The following STXBP5L variants were observed in gnomAD, a reference collection of about 807,000 sequenced individuals.
The protein encoded by STXBP5L is syntaxin binding protein 5L.
In STXBP5L, 65 loss-of-function variants were observed where a neutral mutation model predicts 144.5. That is an observed-to-expected ratio of 0.45 (90% confidence interval 0.37 to 0.55). The LOEUF is 0.55. STXBP5L is among the 20% of genes least tolerant of loss of function. STXBP5L has a pLI of 0.00. For missense variants in STXBP5L, 1,298 were observed against 1,405.5 expected (o/e 0.92, Z 1.22); for synonymous variants, 505 against 469.6 (o/e 1.08, Z -0.97).
intron 2 of STXBP5L, among the ~76,000 whole-genome samples, chr3:120,939,518 A>G (rs1366738918): frequency 1.3e-5 from 2 of 152,142 alleles, no homozygotes; most frequent in Non-Finnish European, 2.9e-5. Flanking sequence ...GAGGTAACCC[A>G]CAGATACCTA....
intron 7 of STXBP5L, among the ~76,000 whole-genome samples, chr3:121,150,035 CT>C (rs1214085449): frequency 1.3e-5 from 2 of 152,014 alleles, no homozygotes; most frequent in African/African-American, 4.8e-5. Flanking sequence ...ATTATGATTT[CT>C]TCTTTGCTTA....
At chr3:121,344,312 G>A (rs147072624) in intron 20 of STXBP5L, among the ~76,000 whole-genome samples, 2,946 of 152,144 alleles carry the variant, frequency 0.019, 94 homozygotes, top group African/African-American at 0.066. Context: ...GAAAACCTAG[G>A]CATTACCATT....
chr3:121,210,175 T>C (rs2048501727), intron 10 of STXBP5L, among the ~76,000 whole-genome samples: 1 of 152,192 alleles, frequency 6.6e-6, no homozygotes, highest in Non-Finnish European at 1.5e-5. Flanking sequence ...TGCATTTCTC[T>C]GATGGCCAGT....
intron 2 of STXBP5L, among the ~76,000 whole-genome samples, chr3:120,940,692 T>C (rs181628005): frequency 6.6e-5 from 10 of 151,478 alleles, no homozygotes; most frequent in African/African-American, 2.4e-4. Context: ...ACATGAGAGA[T>C]TGTTCTTTCA....
chr3:121,351,338 A>G (rs2045272798), intron 20 of STXBP5L, among the ~76,000 whole-genome samples: 1 of 152,060 alleles, frequency 6.6e-6, no homozygotes, highest in Admixed American at 6.5e-5. Flanking sequence ...TCAGAGGAGT[A>G]CCCGGCCGTG....
intron 5 of STXBP5L, among the ~76,000 whole-genome samples, chr3:121,070,213 A>G (rs1183637227): frequency 6.6e-6 from 1 of 152,222 alleles, no homozygotes; most frequent in Non-Finnish European, 1.5e-5. Context: ...ACGTGAGGCG[A>G]GAAGTAAGTT....
chr3:121,313,111 C>T (rs1178770153), intron 19 of STXBP5L, among the ~76,000 whole-genome samples: 2 of 144,868 alleles, frequency 1.4e-5, no homozygotes, highest in African/African-American at 5.1e-5. Flanking sequence ...ACCACCCTCC[C>T]AGACGGGGCG....
intron 3 of STXBP5L, among the ~76,000 whole-genome samples, chr3:121,010,842 TCTTTA>T (rs902252739): frequency 4.0e-5 from 6 of 151,792 alleles, no homozygotes; most frequent in Non-Finnish European, 7.4e-5. Context: ...ATCCTTGTTA[TCTTTA>T]CTTTGAGTAG....
chr3:121,364,738 CT>C (rs1449526619), intron 20 of STXBP5L, among the ~76,000 whole-genome samples: 1 of 150,972 alleles, frequency 6.6e-6, no homozygotes, highest in African/African-American at 2.4e-5. Flanking sequence ...TTATAATTTC[CT>C]TTGCCGATTG....
At chr3:121,372,235 G>T (rs1008856976) in intron 20 of STXBP5L, among the ~76,000 whole-genome samples, 4 of 152,090 alleles carry the variant, frequency 2.6e-5, no homozygotes, top group Admixed American at 6.5e-5. Context: ...CCTGGGAGAG[G>T]CCAGAAGACT....
At chr3:121,373,783 T>C (rs2046101426) in intron 20 of STXBP5L, among the ~76,000 whole-genome samples, 1 of 152,136 alleles carries the variant, frequency 6.6e-6, no homozygotes, top group African/African-American at 2.4e-5. Flanking sequence ...CTGGCACCCA[T>C]GCATGCCACC....
intron 19 of STXBP5L, among the ~76,000 whole-genome samples, chr3:121,293,226 A>T (rs540419696): frequency 4.3e-4 from 66 of 152,320 alleles, no homozygotes; most frequent in Middle Eastern, 3.4e-3. Context: ...AAAAGGACAC[A>T]TTACTGTATG....
intron 1 of STXBP5L, chr3:120,909,338 G>A (rs1378683779): frequency 4.8e-6 from 2 of 419,810 alleles, no homozygotes; most frequent in Non-Finnish European, 8.5e-6. Context: ...TGTGAGGAGG[G>A]AATACTGTTG....
chr3:121,018,504 C>T (rs966112199), intron 3 of STXBP5L, among the ~76,000 whole-genome samples: 1 of 114,676 alleles, frequency 8.7e-6, no homozygotes, highest in Non-Finnish European at 1.7e-5. Context: ...GATGCTGGAA[C>T]AACTGGACAT....
chr3:121,348,208 A>G (rs1262583479), intron 20 of STXBP5L, among the ~76,000 whole-genome samples: 21 of 152,192 alleles, frequency 1.4e-4, no homozygotes, highest in African/African-American at 5.1e-4. Context: ...GCATCTATTG[A>G]GATAATCATG....
chr3:121,198,796 G>T (rs561396294), intron 9 of STXBP5L, among the ~76,000 whole-genome samples: 1 of 152,220 alleles, frequency 6.6e-6, no homozygotes, highest in South Asian at 2.1e-4. Context: ...GATGGTTGTA[G>T]GTGTGTGGTA....
rs1279476202 is a variant in STXBP5L at position 120,993,850 on chromosome 3, T to A, written c.287+38813T>A. ...TTTGTGAGAATATCATTGATTTTTT[T>A]AATAGAGATTGCATTGAATGTACAG... On this transcript the variant is annotated intron_variant, in intron 3 of 26. Coordinates refer to ENST00000471454, the MANE Select transcript of STXBP5L (RefSeq NM_001308330.2). Among the ~76,000 whole-genome samples the A allele has an allele frequency of 5.9e-5, 9 of 152,090 alleles. No individual in the cohort carries two copies. In the East Asian group the frequency reaches 9.6e-4, roughly 16 times the overall value.
intron 3 of STXBP5L, among the ~76,000 whole-genome samples, chr3:121,027,674 T>C (rs1288806608): frequency 6.6e-6 from 1 of 152,042 alleles, no homozygotes; most frequent in Admixed American, 6.6e-5. Flanking sequence ...AGGACTCTTG[T>C]AGTTACGGTG....
At chr3:121,308,054 G>A (rs1342601377) in intron 19 of STXBP5L, among the ~76,000 whole-genome samples, 1 of 152,142 alleles carries the variant, frequency 6.6e-6, no homozygotes, top group Non-Finnish European at 1.5e-5. Flanking sequence ...CGAAAAAACT[G>A]TCATTCAAGA....
Sources: allele counts gnomAD v4.1 joint callset (sites outside exome capture counted in the v4.1 genomes callset), GRCh38; gene constraint gnomAD v4.1.1; transcripts MANE v1.5; gene names NCBI Gene and HGNC (gene_info 2026-07-23, HGNC 2026-07-21).